The following EIF4G3 variants were observed in gnomAD, a reference collection of about 807,000 sequenced individuals.
EIF4G3 encodes eukaryotic translation initiation factor 4 gamma 3.
In EIF4G3, 34 loss-of-function variants were observed where a neutral mutation model predicts 186.4. The ratio of observed to expected loss-of-function variants is 0.18; its 90% CI spans 0.14 to 0.24. The LOEUF is 0.24. Ranked by LOEUF, EIF4G3 falls within the 10% of genes least tolerant of loss-of-function variation. The probability of loss-of-function intolerance (pLI) is 1.00; values close to 1 mark genes in which losing one functional copy is unlikely to be tolerated. For synonymous variants in EIF4G3, 673 were observed against 679.5 expected (o/e 0.99, Z 0.15); for missense variants, 1,536 against 1,948.5 (o/e 0.79, Z 3.99).
At chr1:21,114,745 G>T (rs1269823405) in intron 2 of EIF4G3, among the ~76,000 whole-genome samples, 2 of 152,170 alleles carry the variant, frequency 1.3e-5, no homozygotes, top group African/African-American at 2.4e-5. Flanking sequence ...TTTCATCAAA[G>T]ATATTAAGTG....
chr1:20,963,868 G>A (rs1021510778), intron 12 of EIF4G3, among the ~76,000 whole-genome samples: 11 of 149,854 alleles, frequency 7.3e-5, no homozygotes, highest in African/African-American at 2.7e-4. Context: ...GCTGCAGTGA[G>A]CCGAGATTGT....
rs969303667 is a variant in EIF4G3, at chr1:21,106,868, G to A, written c.-271-17655C>T. Among the ~76,000 whole-genome samples, 6 of 152,248 alleles carry A rather than the reference G, an allele frequency of 3.9e-5. No homozygotes were observed. In the East Asian group the frequency reaches 1.2e-3, roughly 29 times the overall value. The stretch of plus-strand genomic sequence containing the variant: ...TGTTACGGTAGCCATTCACAGAAAT[G>A]ACTATTGTATTCAAAATACTCTTCA... On this transcript the variant is annotated intron_variant, in intron 2 of 36. Coordinates refer to ENST00000602326, the MANE Select transcript of EIF4G3 (RefSeq NM_001391906.1).
At chr1:20,997,521 G>T in intron 7 of EIF4G3, 80 bp downstream of exon 7, 1 of 1,315,374 alleles carries the variant, frequency 7.6e-7, no homozygotes, top group Non-Finnish European at 1.1e-6. Context: ...CTATGGGATG[G>T]CAGCATTCTA....
At chr1:21,094,137 G>T (rs2096285594) in intron 2 of EIF4G3, among the ~76,000 whole-genome samples, 1 of 150,934 alleles carries the variant, frequency 6.6e-6, no homozygotes, top group South Asian at 2.1e-4. Flanking sequence ...AAAAAGCCAG[G>T]ATTTCCTTAG....
In EIF4G3 at chr1:21,015,685, A is replaced by G. The variant is rs761821520; in HGVS notation, c.-66-12877T>C. Among the ~76,000 whole-genome samples, 22 of 151,438 alleles carry G rather than the reference A, an allele frequency of 1.5e-4. 1 individual carries two copies. The highest frequency in any genetic ancestry group is 3.1e-4 in the Non-Finnish European group (21 of 67,882). On this transcript the variant is annotated intron_variant, in intron 4 of 36. Coordinates refer to ENST00000602326, the MANE Select transcript of EIF4G3 (RefSeq NM_001391906.1). ...AATCATGACAAGCAAGGGATCCTCA[A>G]TAAGATTATCAGCAGAAACTTGCAG...
rs190941804 is a variant in EIF4G3 at position 20,972,431 on chromosome 1, C to T, written c.591+571G>A. The stretch of plus-strand genomic sequence containing the variant: ...GGCAGATTGCTTGAGCTCAGGAGTT[C>T]GAGATCACCCTGGGCAACATGGCGA... On this transcript the variant is annotated intron_variant, in intron 11 of 36. Coordinates refer to ENST00000602326, the MANE Select transcript of EIF4G3 (RefSeq NM_001391906.1). Among the ~76,000 whole-genome samples, 129 of 152,020 alleles carry T rather than the reference C, an allele frequency of 8.5e-4. 1 individual carries two copies. Among genetic ancestry groups the T allele is most frequent in the South Asian group, 2.9e-3 (14 of 4,812 alleles).
chr1:20,939,475 GT>G (rs2095633623), intron 14 of EIF4G3, among the ~76,000 whole-genome samples: 1 of 152,082 alleles, frequency 6.6e-6, no homozygotes, highest in Non-Finnish European at 1.5e-5. Flanking sequence ...CCAAAATTCT[GT>G]TTGCCCATCC....
intron 33 of EIF4G3, among the ~76,000 whole-genome samples, chr1:20,822,346 A>G (rs12031023): frequency 0.51 from 71,993 of 141,460 alleles, 19,336 homozygotes; most frequent in East Asian, 0.83. Flanking sequence ...TATCTTCTCA[A>G]AGAACCAGCT....
At chr1:21,065,709 G>GT (rs1416349664) in intron 3 of EIF4G3, among the ~76,000 whole-genome samples, 1 of 152,260 alleles carries the variant, frequency 6.6e-6, no homozygotes, top group African/African-American at 2.4e-5. Flanking sequence ...AAAGTGAAAA[G>GT]TAAGGACTTA....
chr1:20,813,865 CAAAAAAA>C (rs1483570577), intron 34 of EIF4G3, among the ~76,000 whole-genome samples: 2 of 147,882 alleles, frequency 1.4e-5, no homozygotes, highest in Non-Finnish European at 3.0e-5. Context: ...AAACAAAAAA[CAAAAAAA>C]GATACCCTTG....
chr1:20,980,201 A>G, intron 10 of EIF4G3, 133 bp downstream of exon 10: 1 of 641,028 alleles, frequency 1.6e-6, no homozygotes, highest in South Asian at 2.1e-5. Flanking sequence ...AGCTTTCAAG[A>G]AAGAACTGTT....
chr1:20,810,989 GC>G lies in EIF4G3; in HGVS notation c.4598-106del. On this transcript the variant is annotated intron_variant, in intron 35 of 36. Transcript: ENST00000602326. This position sits in a 1 kb window ranked among gnomAD's most constrained non-coding sequence, Gnocchi z 4.1. ...TTTTGAGACAGAGCCTCACTCTATT[GC>G]CCAGGCTGGAGTGCAGTGGCACAAT... is the stretch of plus-strand genomic sequence containing the variant. 8.6e-7 allele frequency: 1 copy of G among 1,162,336 alleles called. No homozygotes were observed. Among genetic ancestry groups the G allele is most frequent in the Non-Finnish European group, 1.2e-6 (1 of 841,128 alleles). 72.0% of individuals were successfully genotyped at this position (1,162,336 alleles called of 1,614,324 possible).
intron 4 of EIF4G3, among the ~76,000 whole-genome samples, chr1:21,016,295 T>A (rs1452267553): frequency 6.6e-6 from 1 of 152,044 alleles, no homozygotes; most frequent in Non-Finnish European, 1.5e-5. Flanking sequence ...AGACTACACA[T>A]AAAATGAAAC....
chr1:20,970,033 G>A (rs543243697), intron 11 of EIF4G3, among the ~76,000 whole-genome samples: 2 of 151,650 alleles, frequency 1.3e-5, no homozygotes, highest in East Asian at 1.9e-4. Flanking sequence ...GCGCAATCTC[G>A]GCTCACTGCA....
intron 13 of EIF4G3, among the ~76,000 whole-genome samples, chr1:20,947,460 C>A (rs1409226637): frequency 6.7e-6 from 1 of 150,152 alleles, no homozygotes; most frequent in Non-Finnish European, 1.5e-5. Context: ...AAAAAAAACT[C>A]TGAAAACAGT....
At chr1:20,900,491 C>T (rs1437482667) in intron 15 of EIF4G3, among the ~76,000 whole-genome samples, 1 of 142,494 alleles carries the variant, frequency 7.0e-6, no homozygotes, top group Non-Finnish European at 1.5e-5. Context: ...AGGCTGTGAC[C>T]ATATAGAAAA....
rs10493003 is a variant in EIF4G3, at chr1:20,894,904, A to C, written c.2133+464T>G. Among the ~76,000 whole-genome samples the C allele has an allele frequency of 5.1e-3, 783 of 152,308 alleles. 7 individuals are homozygous for C. Among genetic ancestry groups the C allele is most frequent in the African/African-American group, 0.018 (752 of 41,568 alleles). On this transcript the variant is annotated intron_variant, in intron 17 of 36. Coordinates refer to ENST00000602326, the MANE Select transcript of EIF4G3 (RefSeq NM_001391906.1). ...GAGAATTCAATCACTGGAGGTATCT[A>C]TTAGGGAAACTTTGAGATACATATT... is the stretch of plus-strand genomic sequence containing the variant.
chr1:21,038,781 T>C (rs1341331269), intron 4 of EIF4G3, among the ~76,000 whole-genome samples: 1 of 68,874 alleles, frequency 1.5e-5, no homozygotes, highest in Non-Finnish European at 4.2e-5. Flanking sequence ...TATGTATAAG[T>C]TCTTTATTAA....
intron 2 of EIF4G3, among the ~76,000 whole-genome samples, chr1:21,120,816 G>A (rs1159132150): frequency 2.6e-5 from 4 of 152,106 alleles, no homozygotes; most frequent in Non-Finnish European, 5.9e-5. Flanking sequence ...ATAAGAGCAC[G>A]AGTATGAACT....
Sources: allele counts gnomAD v4.1 joint callset (sites outside exome capture counted in the v4.1 genomes callset), GRCh38; gene constraint gnomAD v4.1.1; non-coding constraint Gnocchi (gnomAD v3.1); transcripts MANE v1.5; gene names NCBI Gene and HGNC (gene_info 2026-07-23, HGNC 2026-07-21).